Variants in PPP1R14D observed in about 807,000 individuals in gnomAD.
The protein encoded by PPP1R14D is protein phosphatase 1 regulatory inhibitor subunit 14D, also known as protein phosphatase 1 regulatory subunit 14D.
In PPP1R14D, 14 loss-of-function variants were observed where a neutral mutation model predicts 17.1. That is an observed-to-expected ratio of 0.82 (90% CI 0.54 to 1.28). The LOEUF (loss-of-function observed/expected upper bound fraction) is 1.28, where lower values mean the gene tolerates loss of function less well. Ranked by LOEUF, PPP1R14D falls within the 50% of genes most tolerant of loss-of-function variation. The pLI is 0.00. For synonymous variants in PPP1R14D, 67 were observed against 66.1 expected, an observed-to-expected ratio of 1.01 and a Z score of -0.06; for missense variants, 173 against 179.2, an observed-to-expected ratio of 0.97 and a Z score of 0.20.
chr15:40,826,944 T>C (rs1380244677), intron 1 of PPP1R14D, among the ~76,000 whole-genome samples: 1 of 152,216 alleles, frequency 6.6e-6, no homozygotes. Flanking sequence ...AGTTCTTACC[T>C]CTCTAGAATC....
rs116486993 is a variant in PPP1R14D at position 40,827,621 on chromosome 15, T to C, written c.255+766A>G. Among the ~76,000 whole-genome samples the C allele has an allele frequency of 2.8e-3, 433 of 152,126 alleles. 3 individuals carry two copies. The highest frequency in any genetic ancestry group is 0.01 in the African/African-American group (418 of 41,478). ...CTACACATGGCTGATGGCTACAGAA[T>C]TGGAAAATGTAGCTCTAGGCTGGGC... On this transcript the variant is annotated intron_variant, in intron 1 of 3. Transcript: ENST00000299174.
At chr15:40,823,322 G>T (rs1298008183) in intron 1 of PPP1R14D, among the ~76,000 whole-genome samples, 2 of 151,122 alleles carry the variant, frequency 1.3e-5, no homozygotes, top group Non-Finnish European at 3.0e-5. Context: ...TGCCCAGGCT[G>T]GTCCTGAGCT....
intron 1 of PPP1R14D, among the ~76,000 whole-genome samples, chr15:40,820,096 C>A (rs1170319168): frequency 1.3e-5 from 2 of 151,584 alleles, no homozygotes; most frequent in African/African-American, 4.9e-5. Context: ...GAACTCCTGA[C>A]CTCAGGTGAT....
intron 1 of PPP1R14D, among the ~76,000 whole-genome samples, chr15:40,818,090 A>G (rs1434242995): frequency 2.6e-5 from 4 of 151,974 alleles, no homozygotes; most frequent in Non-Finnish European, 5.9e-5. Flanking sequence ...GGAGATTGAG[A>G]CCATCCTGGC....
chr15:40,825,227 G>C (rs562930232), intron 1 of PPP1R14D, among the ~76,000 whole-genome samples: 4 of 151,708 alleles, frequency 2.6e-5, no homozygotes, highest in African/African-American at 9.7e-5. Context: ...GGAGGTTGCA[G>C]TGAGCCAAGG....
At chr15:40,816,419 A>G (rs1890666781) in intron 1 of PPP1R14D, among the ~76,000 whole-genome samples, 166 bp from the exon 2 acceptor site, 3 of 152,234 alleles carry the variant, frequency 2.0e-5, no homozygotes. Context: ...TACTAAACAT[A>G]TACTATATTT....
intron 1 of PPP1R14D, among the ~76,000 whole-genome samples, chr15:40,819,991 C>G (rs1462940751): frequency 1.3e-5 from 2 of 151,738 alleles, no homozygotes; most frequent in African/African-American, 4.8e-5. Context: ...CTCAGCCTCC[C>G]GAGTAGCTGG....
intron 1 of PPP1R14D, among the ~76,000 whole-genome samples, chr15:40,825,054 C>T (rs961093693): frequency 1.3e-5 from 2 of 152,028 alleles, no homozygotes; most frequent in African/African-American, 2.4e-5. Context: ...GAGGCTGAGG[C>T]GGGTGGGTCA....
chr15:40,816,245 T>G lies in PPP1R14D; in HGVS notation c.264A>C (p.Ala88=), dbSNP rs549059626. 4 of 1,614,060 alleles carry G rather than the reference T, an allele frequency of 2.5e-6. No individual in the cohort carries two copies. The East Asian group carries it at 8.9e-5, about 36-fold the overall frequency. ...GGTCAATCTCAGGCTCAGAAGGGGT[T>G]GCTTGATCCTATTTGGAAATCACAT... is the stretch of plus-strand genomic sequence containing the variant. The part of the protein sequence containing the change: ...AQVQELFQDQ[A]TPSEPEIDLE... Residue 88 remains alanine (A), a synonymous_variant, in exon 2 of 4, where the codon GCA becomes GCC. Coordinates refer to ENST00000299174, the MANE Select transcript of PPP1R14D (RefSeq NM_017726.8).
At chr15:40,823,590 C>T (rs1596128563) in intron 1 of PPP1R14D, among the ~76,000 whole-genome samples, 1 of 152,128 alleles carries the variant, frequency 6.6e-6, no homozygotes, top group Admixed American at 6.6e-5. Context: ...TTTTACTATA[C>T]CTTTTCTATG....
chr15:40,815,541 T>A lies in PPP1R14D; in HGVS notation c.*155A>T. 2 of 962,210 alleles carry A rather than the reference T, an allele frequency of 2.1e-6. No homozygotes were observed. Among genetic ancestry groups the A allele is most frequent in the Non-Finnish European group, 1.5e-6 (1 of 662,034 alleles). The allele number at this position is 962,210 out of a possible 1,614,324, so 59.6% of individuals were successfully genotyped here. A position where few individuals can be genotyped will look rare whatever the true frequency, so the allele number is the denominator to read the frequency against. Reference sequence around the variant, plus strand: ...CCCAGAGAGCCCAGCTGACAGAAACTAGCTGTGACCACACAGACAGTAGGA... The same window carrying A: ...CCCAGAGAGCCCAGCTGACAGAAACAAGCTGTGACCACACAGACAGTAGGA... On this transcript the variant is annotated 3_prime_UTR_variant, in exon 4 of 4. Coordinates refer to ENST00000299174, the MANE Select transcript of PPP1R14D (RefSeq NM_017726.8).
At chr15:40,825,631 C>T (rs1890857961) in intron 1 of PPP1R14D, among the ~76,000 whole-genome samples, 1 of 152,194 alleles carries the variant, frequency 6.6e-6, no homozygotes, top group Non-Finnish European at 1.5e-5. Flanking sequence ...GGGTAGAGCC[C>T]TGGTGGGTGG....
Position 40,824,993 on chromosome 15 carries a change from G to T in PPP1R14D, c.255+3394C>A, listed in dbSNP as rs200131139. Among the ~76,000 whole-genome samples, 7 of 152,054 alleles carry T rather than the reference G, an allele frequency of 4.6e-5. No individual in the cohort carries two copies. The East Asian group carries it at 1.4e-3, about 29-fold the overall frequency. ...TTGGCTCTAAAGTGACAAGAAATGG[G>T]GGATACCAGGCCAGGCGCGGTGGCT... On this transcript the variant is annotated intron_variant, in intron 1 of 3. Transcript: ENST00000299174.
At chr15:40,817,235 T>C in intron 1 of PPP1R14D, 1 of 301,008 alleles carries the variant, frequency 3.3e-6, no homozygotes. Context: ...CGCATACCCG[T>C]AATCCCAGCT....
chr15:40,815,477 T>C lies in PPP1R14D; in HGVS notation c.*219A>G, dbSNP rs890914609. On this transcript the variant is annotated 3_prime_UTR_variant, in exon 4 of 4. Transcript: ENST00000299174. The stretch of plus-strand genomic sequence containing the variant: ...GGGGCTCCTAAAGGTTTTATCCACT[T>C]GGCTGCCAAGGAAGGCATTGGACAA... 3.4e-6 allele frequency: 2 copies of C among 581,682 alleles called. No individual in the cohort carries two copies. Among genetic ancestry groups the C allele is most frequent in the African/African-American group, 3.8e-5 (2 of 53,230 alleles). The allele number at this position is 581,682 out of a possible 1,614,324, so 36.0% of individuals were successfully genotyped here.
intron 1 of PPP1R14D, among the ~76,000 whole-genome samples, chr15:40,822,520 C>G (rs990646170): frequency 6.6e-6 from 1 of 151,478 alleles, no homozygotes; most frequent in Non-Finnish European, 1.5e-5. Flanking sequence ...ATGGCATGAT[C>G]TCAGCTCACT....
chr15:40,828,576 C>T lies in PPP1R14D; in HGVS notation c.66G>A (p.Lys22=), dbSNP rs568127927. 29 of 1,614,186 alleles carry T rather than the reference C, an allele frequency of 1.8e-5. No individual in the cohort carries two copies. In the South Asian group the frequency reaches 3.2e-4, roughly 18 times the overall value. The change falls in exon 1 of 4, where the codon AAG becomes AAA. Residue 22 remains lysine (K), a synonymous_variant. Coordinates refer to ENST00000299174, the MANE Select transcript of PPP1R14D (RefSeq NM_017726.8). ...PSPDGENPCK[K]VHWASGRRRT... is the part of the protein sequence containing the mutation. ...TTCTCCTCCCAGAAGCCCAGTGGAC[C>T]TTCTTACATGGGTTCTCCCCATCTG...
intron 2 of PPP1R14D, 70 bp from the exon 3 acceptor site, chr15:40,816,064 A>G: frequency 1.2e-6 from 2 of 1,604,116 alleles, no homozygotes; most frequent in South Asian, 2.2e-5. Flanking sequence ...CCAATCTCCC[A>G]AGAATTCTCC....
chr15:40,821,685 TGG>T (rs1395462350), intron 1 of PPP1R14D, among the ~76,000 whole-genome samples: 3,165 of 152,242 alleles, frequency 0.021, 112 homozygotes, highest in African/African-American at 0.073. Context: ...CCCAGCACTC[TGG>T]GAGGCTGAGG....
Sources: allele counts gnomAD v4.1 joint callset (sites outside exome capture counted in the v4.1 genomes callset), GRCh38; gene constraint gnomAD v4.1.1; transcripts MANE v1.5; gene names NCBI Gene and HGNC (gene_info 2026-07-23, HGNC 2026-07-21).